AHCYL2: variants seen among roughly 807,000 people sequenced by gnomAD.
The protein encoded by AHCYL2 is S-adenosylhomocysteine hydrolase-like protein 2.
In AHCYL2, 28 loss-of-function variants were observed where a neutral mutation model predicts 81.4. That is an observed-to-expected ratio of 0.34 (90% CI 0.25 to 0.47). The LOEUF (loss-of-function observed/expected upper bound fraction) is 0.47, where lower values mean the gene tolerates loss of function less well. AHCYL2 is among the 20% of genes least tolerant of loss of function. The pLI is 1.00. For synonymous variants in AHCYL2, 272 were observed against 290.2 expected, an observed-to-expected ratio of 0.94 and a Z score of 0.64; for missense variants, 551 against 785.1, an observed-to-expected ratio of 0.70 and a Z score of 3.56.
intron 1 of AHCYL2, among the ~76,000 whole-genome samples, chr7:129,229,762 T>G (rs546928714): frequency 1.3e-5 from 2 of 152,142 alleles, no homozygotes; most frequent in South Asian, 2.1e-4. Flanking sequence ...CTTGAAAGAA[T>G]TGTAAATTTA....
intron 7 of AHCYL2, among the ~76,000 whole-genome samples, chr7:129,404,510 A>G (rs1035173924): frequency 1.3e-5 from 2 of 152,204 alleles, no homozygotes; most frequent in African/African-American, 4.8e-5. Context: ...CCCCGTCTCT[A>G]CTAAAAATAC....
chr7:129,416,275 T>G (rs1269125421), intron 12 of AHCYL2, among the ~76,000 whole-genome samples: 1 of 152,222 alleles, frequency 6.6e-6, no homozygotes, highest in Non-Finnish European at 1.5e-5. Flanking sequence ...GTATGATTGC[T>G]ATATGCCAGC....
Position 129,427,049 on chromosome 7 carries a change from C to G in AHCYL2, c.*4C>G. 1 of 1,609,800 alleles carries G rather than the reference C, an allele frequency of 6.2e-7. No homozygotes were observed. The highest frequency in any genetic ancestry group is 8.5e-7 in the Non-Finnish European group (1 of 1,176,206). On this transcript the variant is annotated 3_prime_UTR_variant, in exon 17 of 17. Transcript: ENST00000325006. The surrounding 1 kb of genome is among the most constrained non-coding windows in gnomAD (Gnocchi z 5.5). ...TCTTTTTCCCTCCAGGTATTAAGTT[C>G]CTGTAACTCAAACCAGAATTTTTAA...
chr7:129,273,627 C>T (rs148688501), intron 1 of AHCYL2, among the ~76,000 whole-genome samples: 186 of 152,190 alleles, frequency 1.2e-3, no homozygotes, highest in Non-Finnish European at 2.1e-3. Context: ...TGCGCCTGGC[C>T]GACTTCAGAA....
chr7:129,377,617 A>G (rs766113932), intron 1 of AHCYL2: 1 of 456,654 alleles, frequency 2.2e-6, no homozygotes, highest in South Asian at 1.5e-5. Flanking sequence ...TCTTTTTATC[A>G]TTAAAGGTAG....
At chr7:129,278,425 G>C (rs1442604584) in intron 1 of AHCYL2, among the ~76,000 whole-genome samples, 1 of 151,912 alleles carries the variant, frequency 6.6e-6, no homozygotes, top group Non-Finnish European at 1.5e-5. Flanking sequence ...TAATTATTGA[G>C]TTTTGAGAGT....
intron 1 of AHCYL2, among the ~76,000 whole-genome samples, chr7:129,361,334 G>A (rs1282504675): frequency 6.6e-6 from 1 of 152,114 alleles, no homozygotes; most frequent in Non-Finnish European, 1.5e-5. Flanking sequence ...CTTCTCTCTT[G>A]CCACGGCCCC....
chr7:129,236,109 C>T (rs1247976704), intron 1 of AHCYL2, among the ~76,000 whole-genome samples: 2 of 151,190 alleles, frequency 1.3e-5, no homozygotes, highest in Admixed American at 6.6e-5. Flanking sequence ...GCAACCTCCA[C>T]TTCCTGGGCT....
chr7:129,271,247 G>C (rs944125435), intron 1 of AHCYL2, among the ~76,000 whole-genome samples: 6 of 151,282 alleles, frequency 4.0e-5, no homozygotes, highest in Admixed American at 3.3e-4. Flanking sequence ...TGTAGTCCCA[G>C]CTATTCGGGA....
rs895729675 is a variant in AHCYL2, at chr7:129,406,909, A to C, written c.1295+443A>C. The stretch of plus-strand genomic sequence containing the variant: ...TTAAGGGTAAAATCTACTAACTCTG[A>C]GTGAAGCATATATGAGAATTATTTA... On this transcript the variant is annotated intron_variant, in intron 10 of 16. Transcript: ENST00000325006. This position sits in a 1 kb window ranked among gnomAD's most constrained non-coding sequence, Gnocchi z 4.3. Among the ~76,000 whole-genome samples, 1 of 152,228 alleles carries C rather than the reference A, an allele frequency of 6.6e-6. No individual in the cohort carries two copies. The highest frequency in any genetic ancestry group is 1.5e-5 in the Non-Finnish European group (1 of 68,040).
At chr7:129,336,512 C>G (rs1293120850) in intron 1 of AHCYL2, among the ~76,000 whole-genome samples, 1 of 152,116 alleles carries the variant, frequency 6.6e-6, no homozygotes, top group East Asian at 1.9e-4. Flanking sequence ...AATTTCTTGC[C>G]TTTCTCTTGT....
At chr7:129,275,662 A>G (rs1168415438) in intron 1 of AHCYL2, among the ~76,000 whole-genome samples, 1 of 152,246 alleles carries the variant, frequency 6.6e-6, no homozygotes, top group Non-Finnish European at 1.5e-5. Flanking sequence ...GCAAGAAGCT[A>G]TAATTCCAAA....
chr7:129,412,425 C>T (rs759863055), intron 11 of AHCYL2, among the ~76,000 whole-genome samples: 15 of 151,422 alleles, frequency 9.9e-5, no homozygotes, highest in African/African-American at 3.6e-4. Context: ...GGACTACAGG[C>T]GCACACCACC....
intron 11 of AHCYL2, among the ~76,000 whole-genome samples, chr7:129,413,144 C>CTTT (rs35091143): frequency 4.4e-5 from 6 of 135,876 alleles, no homozygotes; most frequent in South Asian, 4.7e-4. Context: ...GCCTGGCCTG[C>CTTT]TTTTTTTTTT....
chr7:129,414,965 A>T (rs528674568), intron 12 of AHCYL2, among the ~76,000 whole-genome samples: 25 of 152,258 alleles, frequency 1.6e-4, no homozygotes, highest in African/African-American at 4.3e-4. Flanking sequence ...TCCCTTTTAA[A>T]TTCTGTGCTC....
chr7:129,378,040 G>A (rs551778509), intron 1 of AHCYL2, among the ~76,000 whole-genome samples: 8 of 152,184 alleles, frequency 5.3e-5, no homozygotes, highest in Admixed American at 2.6e-4. Context: ...CTAGCCAGGC[G>A]TGGTGGCTCA....
rs557570249 is a variant in AHCYL2, at chr7:129,379,631, T to C, written c.364-7T>C. On this transcript the variant is annotated splice_region_variant and splice_polypyrimidine_tract_variant and intron_variant, in intron 1 of 16. Transcript: ENST00000325006. ...TTTCTTTATATAACTAGGTTTCTTT[T>C]TCTTAGCAGATCCAGTTTGCTGACC... 1.2e-6 allele frequency: 2 copies of C among 1,611,522 alleles called. No homozygotes were observed. The highest frequency in any genetic ancestry group is 2.2e-5 in the South Asian group (2 of 90,480).
intron 1 of AHCYL2, among the ~76,000 whole-genome samples, chr7:129,226,932 C>A (rs542708306): frequency 0.022 from 3,419 of 152,082 alleles, 60 homozygotes; most frequent in Non-Finnish European, 0.037. Flanking sequence ...ATCGTTAAGT[C>A]ATTTTCTTGT....
intron 13 of AHCYL2, among the ~76,000 whole-genome samples, chr7:129,423,160 G>C (rs185982588): frequency 1.3e-5 from 2 of 152,084 alleles, no homozygotes; most frequent in African/African-American, 2.4e-5. Flanking sequence ...GTCTCTCCAC[G>C]TCAATCCACA....
Sources: allele counts gnomAD v4.1 joint callset (sites outside exome capture counted in the v4.1 genomes callset), GRCh38; gene constraint gnomAD v4.1.1; non-coding constraint Gnocchi (gnomAD v3.1); transcripts MANE v1.5; gene names NCBI Gene and HGNC (gene_info 2026-07-23, HGNC 2026-07-21).